The following PKIG variants were observed in gnomAD, a reference collection of about 807,000 sequenced individuals.
PKIG encodes protein kinase (cAMP-dependent, catalytic) inhibitor gamma.
A neutral mutation model predicts 6.8 loss-of-function variants in PKIG; 1 was observed. That is an observed-to-expected ratio of 0.15 (90% CI 0.05 to 0.69). The LOEUF (loss-of-function observed/expected upper bound fraction) is 0.69. Among genes scored for constraint, PKIG ranks in the 30% least tolerant of loss-of-function variants. PKIG has a pLI of 0.82. For missense variants in PKIG, 77 were observed against 104.0 expected, an observed-to-expected ratio of 0.74 and a Z score of 1.13; for synonymous variants, 39 against 43.0, an observed-to-expected ratio of 0.91 and a Z score of 0.36.
rs754027789 is a variant in PKIG at position 44,536,487 on chromosome 20, A to G, written c.-241+4509A>G. Among the ~76,000 whole-genome samples the G allele has an allele frequency of 1.2e-4, 18 of 152,182 alleles. 1 individual carries two copies. Among genetic ancestry groups the G allele is most frequent in the Non-Finnish European group, 1.9e-4 (13 of 68,032 alleles). On this transcript the variant is annotated intron_variant, in intron 1 of 4. Coordinates refer to the PKIG transcript ENST00000372887. ...AGAGGGCAGATTTGAGAGACATTTC[A>G]GAAGGAGAATCAACAGGACTTGACC...
At chr20:44,553,483 G>A (rs1357448048) in intron 1 of PKIG, among the ~76,000 whole-genome samples, 1 of 152,132 alleles carries the variant, frequency 6.6e-6, no homozygotes, top group Non-Finnish European at 1.5e-5. Flanking sequence ...CAGAGCTGTG[G>A]TAGCTTCACA....
chr20:44,614,616 G>A lies in PKIG; in HGVS notation c.60G>A (p.Arg20=), dbSNP rs148413885. The A allele has an allele frequency of 2.8e-4, 458 of 1,614,178 alleles. 1 individual carries two copies. The African/African-American group carries it at 5.6e-3, about 20-fold the overall frequency. Residue 20 remains arginine (R), a synonymous_variant, in exon 3 of 4, where the codon CGG becomes CGA. Coordinates refer to ENST00000372886, the MANE Select transcript of PKIG (RefSeq NM_001281445.2). This position sits in a 1 kb window ranked among gnomAD's most constrained non-coding sequence, Gnocchi z 4.6. The part of the protein sequence containing the change: ...DFISCDRTGR[R]NAVPDIQGDS... Reference sequence around the variant, plus strand: ...TCTCCTGTGACCGGACAGGCCGTCGGAATGCGGTCCCTGACATCCAGGGAG... The same window carrying A: ...TCTCCTGTGACCGGACAGGCCGTCGAAATGCGGTCCCTGACATCCAGGGAG...
At chr20:44,546,464 T>C (rs2064614753) in intron 1 of PKIG, among the ~76,000 whole-genome samples, 1 of 152,162 alleles carries the variant, frequency 6.6e-6, no homozygotes, top group Non-Finnish European at 1.5e-5. Context: ...TTGAAATGAA[T>C]ATCACCAGGC....
At chr20:44,558,284 C>T (rs2064732554) in intron 1 of PKIG, among the ~76,000 whole-genome samples, 1 of 152,132 alleles carries the variant, frequency 6.6e-6, no homozygotes, top group African/African-American at 2.4e-5. Context: ...ACATAGCTTC[C>T]TTTAACCCTT....
At chr20:44,581,251 T>C (rs2064945792), upstream of PKIG, among the ~76,000 whole-genome samples, 1 of 152,230 alleles carries the variant, frequency 6.6e-6, no homozygotes, top group Non-Finnish European at 1.5e-5. Flanking sequence ...CTGATTCTCC[T>C]AAGGATGTTA....
intron 1 of PKIG, among the ~76,000 whole-genome samples, chr20:44,566,675 G>A (rs780168924): frequency 2.6e-5 from 4 of 152,050 alleles, no homozygotes; most frequent in Non-Finnish European, 4.4e-5. Context: ...GCGAAATCCC[G>A]TCTCTACTAA....
intron 2 of PKIG, among the ~76,000 whole-genome samples, chr20:44,598,449 T>G (rs765297637): frequency 1.3e-5 from 2 of 152,076 alleles, no homozygotes; most frequent in Non-Finnish European, 2.9e-5. Context: ...GATACCCAGT[T>G]TCCCCCTTCA....
At chr20:44,546,354 T>G (rs371793891) in intron 1 of PKIG, among the ~76,000 whole-genome samples, 24 of 152,218 alleles carry the variant, frequency 1.6e-4, no homozygotes, top group African/African-American at 5.8e-4. Context: ...TAACTGTATT[T>G]TTTAAAAAAT....
intron 1 of PKIG, among the ~76,000 whole-genome samples, chr20:44,544,569 C>G (rs1399678176): frequency 1.3e-5 from 2 of 152,200 alleles, no homozygotes; most frequent in Admixed American, 6.6e-5. Flanking sequence ...CTCTGGCTCT[C>G]TAGCCAAACG....
chr20:44,545,006 G>T (rs924667395), intron 1 of PKIG, among the ~76,000 whole-genome samples: 1 of 129,372 alleles, frequency 7.7e-6, no homozygotes. Context: ...CACAATCTTG[G>T]TTCACTACAA....
chr20:44,575,056 T>G (rs534170464), intron 1 of PKIG, among the ~76,000 whole-genome samples: 79 of 152,060 alleles, frequency 5.2e-4, no homozygotes, highest in Middle Eastern at 3.4e-3. Context: ...GACTCATCAG[T>G]TTTTTGTTTG....
chr20:44,615,372 A>G (rs1204916969), intron 3 of PKIG, among the ~76,000 whole-genome samples: 1 of 152,192 alleles, frequency 6.6e-6, no homozygotes, highest in African/African-American at 2.4e-5. Flanking sequence ...ACTCTCTGAC[A>G]AGGTCTCAGG....
At chr20:44,574,559 G>GT (rs907402172) in intron 1 of PKIG, among the ~76,000 whole-genome samples, 5 of 150,718 alleles carry the variant, frequency 3.3e-5, no homozygotes, top group African/African-American at 9.8e-5. Context: ...ACTTCAGCAT[G>GT]TTTTTTTTGT....
At chr20:44,580,504 CCTGA>C (rs1334686498), upstream of PKIG, among the ~76,000 whole-genome samples, 1 of 152,044 alleles carries the variant, frequency 6.6e-6, no homozygotes, top group Non-Finnish European at 1.5e-5. Context: ...CGCCACCACG[CCTGA>C]CTAATTTTTT....
At chr20:44,607,333 T>C (rs6031667) in intron 2 of PKIG, among the ~76,000 whole-genome samples, 1 of 144,394 alleles carries the variant, frequency 6.9e-6, no homozygotes, top group African/African-American at 2.6e-5. Flanking sequence ...GTGTGTGTGT[T>C]TGTGTGTGTA....
intron 1 of PKIG, among the ~76,000 whole-genome samples, chr20:44,542,314 G>A (rs1292724623): frequency 6.6e-6 from 1 of 152,102 alleles, no homozygotes. Flanking sequence ...TTGGCCACTC[G>A]AAGGGGCTTA....
intron 2 of PKIG, among the ~76,000 whole-genome samples, chr20:44,603,437 C>T (rs1207929557): frequency 1.3e-5 from 2 of 152,134 alleles, no homozygotes; most frequent in African/African-American, 4.8e-5. Flanking sequence ...GGGAGTTGTG[C>T]ACGGCCCACA....
At position 44,542,911 on chromosome 20, in the gene PKIG, A is replaced by C. The variant is rs534189360; in HGVS notation, c.-241+10933A>C. 3.3e-5 allele frequency among the ~76,000 whole-genome samples: 5 copies of C among 152,304 alleles called. No homozygotes were observed. In the South Asian group the frequency reaches 1.0e-3, roughly 32 times the overall value. On this transcript the variant is annotated intron_variant, in intron 1 of 4. Transcript: ENST00000372887. ...CCCAGCAGCTATATTTTATAAACCAAAAAATTGGGACTTGTGGTGTGATAA... is the reference window on the plus strand; with the variant it reads ...CCCAGCAGCTATATTTTATAAACCACAAAATTGGGACTTGTGGTGTGATAA...
At chr20:44,613,930 T>C (rs2065241235) in intron 2 of PKIG, among the ~76,000 whole-genome samples, 1 of 152,224 alleles carries the variant, frequency 6.6e-6, no homozygotes, top group East Asian at 1.9e-4. Context: ...CTGCTGGCTC[T>C]TTCTGTCCTT....
Sources: gnomAD v4.1 joint callset for allele counts (sites outside exome capture counted in the v4.1 genomes callset) on GRCh38, gnomAD v4.1.1 for gene constraint, Gnocchi (gnomAD v3.1) non-coding constraint, MANE v1.5 for transcripts, NCBI Gene and HGNC (gene_info 2026-07-23, HGNC 2026-07-21) for gene names.